The following CCNY variants were observed in gnomAD, a reference collection of about 807,000 sequenced individuals.
CCNY encodes the protein cyclin-Y.
A neutral mutation model predicts 42.8 loss-of-function variants in CCNY; 19 were observed. That is an observed-to-expected ratio of 0.44 (90% CI 0.31 to 0.65). CCNY has a LOEUF of 0.65. Ranked by LOEUF, CCNY falls within the 30% of genes least tolerant of loss-of-function variation. CCNY has a pLI of 0.07. For synonymous variants in CCNY, 165 were observed against 162.7 expected (o/e 1.01, Z -0.11); for missense variants, 370 against 437.3 (o/e 0.85, Z 1.37).
At chr10:35,464,842 A>T (rs1839225136) in intron 1 of CCNY, among the ~76,000 whole-genome samples, 1 of 152,222 alleles carries the variant, frequency 6.6e-6, no homozygotes, top group East Asian at 1.9e-4. Flanking sequence ...TAGTGGACTC[A>T]AATGCCTTTT....
At chr10:35,379,335 G>C (rs570609754) in intron 1 of CCNY, among the ~76,000 whole-genome samples, 2 of 152,310 alleles carry the variant, frequency 1.3e-5, no homozygotes, top group Admixed American at 1.3e-4. Context: ...AGTGCCAAAG[G>C]AGGGGGCCCC....
At chr10:35,469,078 G>A (rs1390976540) in intron 1 of CCNY, among the ~76,000 whole-genome samples, 6 of 152,222 alleles carry the variant, frequency 3.9e-5, no homozygotes, top group Non-Finnish European at 8.8e-5. Context: ...AAGGGGGTTA[G>A]AATTCTTTAT....
rs112973132 is a variant in CCNY, at chr10:35,510,697, A to C, written c.265-5826A>C. Among the ~76,000 whole-genome samples, 494 of 152,350 alleles carry C rather than the reference A, an allele frequency of 3.2e-3. 2 individuals are homozygous for C. The highest frequency in any genetic ancestry group is 0.011 in the African/African-American group (461 of 41,578). On this transcript the variant is annotated intron_variant, in intron 3 of 9. Transcript: ENST00000374704. ...GTTATTCTTCACAGCACCACAATGAAGGACAGGTTCTGTATCTGAATTTTA... is the reference window on the plus strand; with the variant it reads ...GTTATTCTTCACAGCACCACAATGACGGACAGGTTCTGTATCTGAATTTTA...
At chr10:35,313,458 T>G (rs776535577) in intron 3 of CCNY, among the ~76,000 whole-genome samples, 1 of 152,212 alleles carries the variant, frequency 6.6e-6, no homozygotes, top group Non-Finnish European at 1.5e-5. Flanking sequence ...TTCCCCGAGT[T>G]TGCGTCTGTT....
chr10:35,569,128 C>T lies in CCNY; in HGVS notation c.984C>T (p.Asp328=), dbSNP rs1841633584. The T allele has an allele frequency of 1.2e-6, 2 of 1,612,484 alleles. No individual in the cohort carries two copies. Among genetic ancestry groups the T allele is most frequent in the African/African-American group, 1.3e-5 (1 of 74,960 alleles). ...RSARKRSASA[D]NLTLPRWSPA... Reference sequence around the variant, plus strand: ...CGAGGAAGCGCTCAGCCAGTGCAGACAACCTGACTCTGCCCCGGTGGTCCC... The same window carrying T: ...CGAGGAAGCGCTCAGCCAGTGCAGATAACCTGACTCTGCCCCGGTGGTCCC... Residue 328 remains aspartate (D), a synonymous_variant, in exon 10 of 10, where the codon GAC becomes GAT. Transcript: ENST00000374704.
At chr10:35,258,298 A>G (rs1324004607) in intron 3 of CCNY, among the ~76,000 whole-genome samples, 1 of 152,212 alleles carries the variant, frequency 6.6e-6, no homozygotes, top group Non-Finnish European at 1.5e-5. Flanking sequence ...TGAAAAGCTG[A>G]TGTCTTCTGA....
At chr10:35,414,996 G>C (rs1837994833) in intron 1 of CCNY, among the ~76,000 whole-genome samples, 1 of 152,208 alleles carries the variant, frequency 6.6e-6, no homozygotes, top group South Asian at 2.1e-4. Flanking sequence ...AGGATGAAGT[G>C]GATCATTCTA....
At chr10:35,433,186 AAAT>A (rs1838451715) in intron 1 of CCNY, among the ~76,000 whole-genome samples, 1 of 152,228 alleles carries the variant, frequency 6.6e-6, no homozygotes, top group Admixed American at 6.5e-5. Context: ...TCTCTACAAA[AAAT>A]AATAAAAAAG....
At chr10:35,524,963 A>G (rs1267943098) in intron 4 of CCNY, among the ~76,000 whole-genome samples, 2 of 152,232 alleles carry the variant, frequency 1.3e-5, no homozygotes, top group Non-Finnish European at 2.9e-5. Context: ...CTTGAGGTCA[A>G]GTGATTCCAA....
intron 7 of CCNY, among the ~76,000 whole-genome samples, chr10:35,531,263 T>C (rs1387143266): frequency 6.6e-6 from 1 of 152,204 alleles, no homozygotes; most frequent in African/African-American, 2.4e-5. Context: ...CTGTAGTTTC[T>C]GAGAAGAGAC....
intron 7 of CCNY, among the ~76,000 whole-genome samples, chr10:35,544,360 C>T (rs973870369): frequency 2.0e-5 from 3 of 152,132 alleles, no homozygotes; most frequent in African/African-American, 7.2e-5. Flanking sequence ...CATTGTGTTC[C>T]AGTTACCAAC....
chr10:35,277,691 C>T (rs1192372529), intron 3 of CCNY, among the ~76,000 whole-genome samples: 3 of 152,126 alleles, frequency 2.0e-5, no homozygotes, highest in African/African-American at 7.2e-5. Context: ...AGAGATACTG[C>T]AACAGCCAGT....
At chr10:35,419,496 G>A (rs979849578) in intron 1 of CCNY, among the ~76,000 whole-genome samples, 1 of 148,598 alleles carries the variant, frequency 6.7e-6, no homozygotes, top group Non-Finnish European at 1.5e-5. Flanking sequence ...GGTGGCCATG[G>A]ACCATGAGGG....
chr10:35,337,070 C>T lies in CCNY; in HGVS notation c.17C>T (p.Ser6Leu), dbSNP rs1836055164. The T allele has an allele frequency of 1.9e-6, 3 of 1,588,230 alleles. No homozygotes were observed. The highest frequency in any genetic ancestry group is 1.7e-5 in the Admixed American group (1 of 57,356). The change falls in exon 1 of 10, where the codon TCG (serine) becomes TTG (leucine). Residue 6 changes from serine (S) to leucine (L), a missense_variant. By Grantham distance (145) the Ser-to-Leu change is moderately radical. Around this residue, in one of 2 missense-constraint regions of CCNY, gnomAD observed 136 missense variants for 124.2 expected, o/e 1.09. Coordinates refer to ENST00000374704, the MANE Select transcript of CCNY (RefSeq NM_145012.6). ...CCGCCGAAGATGGGGAACACTACCTCGTGCTGCGTGTCGTCCAGTCCCAAG... is the reference window on the plus strand; with the variant it reads ...CCGCCGAAGATGGGGAACACTACCTTGTGCTGCGTGTCGTCCAGTCCCAAG... MGNTT[S>L]CCVSSSPKLR...
At chr10:35,541,837 T>C (rs1841007322) in intron 7 of CCNY, among the ~76,000 whole-genome samples, 1 of 151,988 alleles carries the variant, frequency 6.6e-6, no homozygotes, top group Non-Finnish European at 1.5e-5. Flanking sequence ...TTTTCTTCTT[T>C]AGGATCCCAT....
chr10:35,336,920 TCCG>T lies in CCNY; in HGVS notation c.-131_-129del. On this transcript the variant is annotated 5_prime_UTR_variant, in exon 1 of 10. Coordinates refer to ENST00000374704, the MANE Select transcript of CCNY (RefSeq NM_145012.6). ...TGCTGACCCGGCGGCCGGCCGCCGT[TCCG>T]CCCCCTCCCGTGGCGGCGAGCGGGC... is the stretch of plus-strand genomic sequence containing the variant. 1.9e-6 allele frequency: 1 copy of T among 513,980 alleles called. No individual in the cohort carries two copies. Among genetic ancestry groups the T allele is most frequent in the Non-Finnish European group, 2.5e-6 (1 of 394,520 alleles). The allele number at this position is 513,980 out of a possible 1,614,324, so 31.8% of individuals were successfully genotyped here. A position where few individuals can be genotyped will look rare whatever the true frequency, so the allele number is the denominator to read the frequency against.
At chr10:35,489,121 C>T (rs1839846287) in intron 2 of CCNY, among the ~76,000 whole-genome samples, 2 of 152,040 alleles carry the variant, frequency 1.3e-5, no homozygotes, top group South Asian at 4.1e-4. Context: ...ACCAAAAATA[C>T]AAAAAACTAA....
At position 35,501,513 on chromosome 10, in the gene CCNY, G is replaced by T. The variant is rs767302118; in HGVS notation, c.242G>T (p.Arg81Leu). 1 of 1,613,806 alleles carries T rather than the reference G, an allele frequency of 6.2e-7. No homozygotes were observed. The highest frequency in any genetic ancestry group is 8.5e-7 in the Non-Finnish European group (1 of 1,179,688). ...TTTGTTTTCACAGTGAGAGAAAAAC[G>T]CAAGAGTCTCTTCATTAACCATGTA... Reference protein sequence around the residue: ...SKSQTDVREKRKSLFINHHPP... With the variant: ...SKSQTDVREKLKSLFINHHPP... Residue 81 changes from arginine to leucine, a missense_variant, in exon 3 of 10, where the codon CGC (arginine) becomes CTC (leucine). Around this residue, in one of 2 missense-constraint regions of CCNY, gnomAD observed 136 missense variants for 124.2 expected, o/e 1.09. Transcript: ENST00000374704.
chr10:35,441,766 AGTAG>A (rs1838674962), intron 1 of CCNY, among the ~76,000 whole-genome samples: 1 of 152,292 alleles, frequency 6.6e-6, no homozygotes, highest in South Asian at 2.1e-4. Context: ...AAGAAAAAGC[AGTAG>A]GTTATTAGCA....
Sources: gnomAD v4.1 joint callset for allele counts (sites outside exome capture counted in the v4.1 genomes callset) on GRCh38, gnomAD v4.1.1 for gene constraint, gnomAD v4.1.1 regional missense constraint, MANE v1.5 for transcripts, NCBI Gene and HGNC (gene_info 2026-07-23, HGNC 2026-07-21) for gene names.